Variants in NRG2 observed in about 807,000 individuals in gnomAD.
NRG2 encodes the protein pro-neuregulin-2, membrane-bound isoform.
NRG2 carries 27 observed loss-of-function variants against 73.9 expected under a neutral mutation model. The ratio of observed to expected loss-of-function variants is 0.37; its 90% CI spans 0.27 to 0.50. NRG2 has a LOEUF of 0.50. Ranked by LOEUF, NRG2 falls within the 20% of genes least tolerant of loss-of-function variation. The probability of loss-of-function intolerance (pLI) is 0.96; values close to 1 mark genes in which losing one functional copy is unlikely to be tolerated. For synonymous variants in NRG2, 532 were observed against 541.0 expected, an observed-to-expected ratio of 0.98 and a Z score of 0.23; for missense variants, 1,126 against 1,210.1, an observed-to-expected ratio of 0.93 and a Z score of 1.03.
chr5:139,990,063 C>T (rs982732817), intron 1 of NRG2, among the ~76,000 whole-genome samples: 3 of 151,852 alleles, frequency 2.0e-5, no homozygotes, highest in Non-Finnish European at 2.9e-5. Context: ...GCTGGGATTA[C>T]AGGCGTGAGC....
At position 140,009,542 on chromosome 5, in the gene NRG2, G is replaced by A. The variant is rs187258928; in HGVS notation, c.700+32828C>T. Among the ~76,000 whole-genome samples, 8 of 152,268 alleles carry A rather than the reference G, an allele frequency of 5.3e-5. No homozygotes were observed. The East Asian group carries it at 7.7e-4, about 15-fold the overall frequency. On this transcript the variant is annotated intron_variant, in intron 1 of 9. Coordinates refer to ENST00000361474, the MANE Select transcript of NRG2 (RefSeq NM_004883.3). Reference sequence around the variant, plus strand: ...AAAGAATGAAATTGCTCGATCTTACGGTAAGAGTAGTTTAATTTTGTAAGA... The same window carrying A: ...AAAGAATGAAATTGCTCGATCTTACAGTAAGAGTAGTTTAATTTTGTAAGA...
intron 1 of NRG2, among the ~76,000 whole-genome samples, chr5:139,986,364 CAAT>C (rs1757172580): frequency 6.6e-6 from 1 of 152,090 alleles, no homozygotes; most frequent in African/African-American, 2.4e-5. Context: ...GTAGGTCAGT[CAAT>C]GATATAAATT....
chr5:139,950,007 A>G, intron 1 of NRG2, among the ~76,000 whole-genome samples: 1 of 152,202 alleles, frequency 6.6e-6, no homozygotes, highest in Non-Finnish European at 1.5e-5. Context: ...TGTGTGACAA[A>G]GACACAAGGG....
Position 139,848,692 on chromosome 5 carries a change from A to C in NRG2, c.1778T>G (p.Val593Gly). Reference sequence around the variant, plus strand: ...GCGCGCGGGCGTGGTCAGGGCCGACACGTACCTGCGGGGAGAGGCAGAGGC... The same window carrying C: ...GCGCGCGGGCGTGGTCAGGGCCGACCCGTACCTGCGGGGAGAGGCAGAGGC... ...LRDSPHSERY[V>G]SALTTPARLS... Residue 593 changes from valine to glycine, a missense_variant, in exon 10 of 10, where the codon GTG becomes GGG. By Grantham distance (109) the Val-to-Gly change is moderately radical (BLOSUM62 -3). Around this residue, in one of 3 missense-constraint regions of NRG2, gnomAD observed 539 missense variants for 703.2 expected, o/e 0.77. Transcript: ENST00000361474. The C allele has an allele frequency of 6.9e-7, 1 of 1,455,308 alleles. No homozygotes were observed. The highest frequency in any genetic ancestry group is 9.1e-7 in the Non-Finnish European group (1 of 1,100,754). The allele number at this position is 1,455,308 out of a possible 1,614,324, so 90.1% of individuals were successfully genotyped here. A position where few individuals can be genotyped will look rare whatever the true frequency, so the allele number is the denominator to read the frequency against.
intron 1 of NRG2, among the ~76,000 whole-genome samples, chr5:139,909,673 G>C (rs1373781605): frequency 1.3e-5 from 2 of 152,244 alleles, no homozygotes; most frequent in Non-Finnish European, 2.9e-5. Flanking sequence ...CAGTGAGGCT[G>C]CCAGAGGAGG....
Position 139,865,553 on chromosome 5 carries a change from C to T in NRG2, c.1185G>A (p.Lys395=), listed in dbSNP as rs1292126318. 6.2e-7 allele frequency: 1 copy of T among 1,612,174 alleles called. No individual in the cohort carries two copies. Among genetic ancestry groups the T allele is most frequent in the South Asian group, 1.1e-5 (1 of 90,718 alleles). The change falls in exon 5 of 10, where the codon AAG becomes AAA. Residue 395 remains lysine, a synonymous_variant. Transcript: ENST00000361474. The surrounding 1 kb of genome is among the most constrained non-coding windows in gnomAD (Gnocchi z 5.2). ...LPLRLYMPDP[K]QKAEELYQKR... is the part of the protein sequence containing the mutation. Reference sequence around the variant, plus strand: ...TGTTTGTATCTTCAAACATACTTTGCTTAGGATCTGGCATGTACAATCGCA... The same window carrying T: ...TGTTTGTATCTTCAAACATACTTTGTTTAGGATCTGGCATGTACAATCGCA...
intron 5 of NRG2, chr5:139,861,723 A>G: frequency 1.9e-6 from 1 of 516,792 alleles, no homozygotes; most frequent in South Asian, 1.4e-5. Flanking sequence ...AGGGCTGGTC[A>G]GGCGTGCTGA....
chr5:139,941,686 G>A (rs997284391), intron 1 of NRG2, among the ~76,000 whole-genome samples: 41 of 152,280 alleles, frequency 2.7e-4, no homozygotes, highest in Non-Finnish European at 3.4e-4. Flanking sequence ...TGAAGGTTAG[G>A]TGGAAGTCCC....
chr5:139,924,683 T>C (rs1293119241), intron 1 of NRG2, among the ~76,000 whole-genome samples: 1 of 152,200 alleles, frequency 6.6e-6, no homozygotes, highest in Non-Finnish European at 1.5e-5. Context: ...CCTCTTTACT[T>C]GTCTTTTTTG....
At chr5:139,990,561 C>T (rs1258623045) in intron 1 of NRG2, among the ~76,000 whole-genome samples, 1 of 152,178 alleles carries the variant, frequency 6.6e-6, no homozygotes, top group Non-Finnish European at 1.5e-5. Context: ...CTGACTTGGC[C>T]TCCCAAAGTG....
chr5:139,897,091 T>C (rs1764593390), intron 1 of NRG2, among the ~76,000 whole-genome samples: 1 of 152,202 alleles, frequency 6.6e-6, no homozygotes, highest in African/African-American at 2.4e-5. Flanking sequence ...CCTGCCTCCA[T>C]GCCCTCTGCT....
Position 140,043,031 on chromosome 5 carries a change from T to G in NRG2, c.39A>C (p.Pro13=). The G allele has an allele frequency of 6.5e-7, 1 of 1,536,732 alleles. No individual in the cohort carries two copies. Among genetic ancestry groups the G allele is most frequent in the South Asian group, 1.2e-5 (1 of 84,042 alleles). ...QVCCSALPPP[P]LEKGRCSSYS... is the part of the protein sequence containing the mutation. ...AGCTGCTGCACCGACCCTTCTCCAGTGGCGGCGGCGGCAGCGCTGAGCAGC... is the reference window on the plus strand; with the variant it reads ...AGCTGCTGCACCGACCCTTCTCCAGGGGCGGCGGCGGCAGCGCTGAGCAGC... Residue 13 remains proline (P), a synonymous_variant, in exon 1 of 10, where the codon CCA becomes CCC. Coordinates refer to ENST00000361474, the MANE Select transcript of NRG2 (RefSeq NM_004883.3). The surrounding 1 kb of genome is among the most constrained non-coding windows in gnomAD (Gnocchi z 6.7).
chr5:140,003,498 T>C (rs1758654658), intron 1 of NRG2, among the ~76,000 whole-genome samples: 1 of 151,978 alleles, frequency 6.6e-6, no homozygotes. Context: ...AGGTGGAAAA[T>C]GGAGCCAAGG....
chr5:139,884,950 T>C (rs1016279889), intron 2 of NRG2, among the ~76,000 whole-genome samples: 5 of 151,108 alleles, frequency 3.3e-5, no homozygotes, highest in Admixed American at 3.3e-4. Flanking sequence ...CGACAAAGGG[T>C]CAGGGGTTGA....
intron 1 of NRG2, among the ~76,000 whole-genome samples, chr5:139,987,929 C>T (rs1757297997): frequency 6.6e-6 from 1 of 152,148 alleles, no homozygotes; most frequent in Admixed American, 6.5e-5. Context: ...CGCACACCGC[C>T]ATGCCTGGCT....
rs111370516 is a variant in NRG2, at chr5:140,033,772, C to T, written c.700+8598G>A. ...TTAATATTTTCATTTACCTAGTCTT[C>T]CTGCTCACATTGGTTAATAATTAAC... On this transcript the variant is annotated intron_variant, in intron 1 of 9. Transcript: ENST00000361474. Among the ~76,000 whole-genome samples the T allele has an allele frequency of 2.3e-3, 343 of 152,318 alleles. 1 individual carries two copies. The highest frequency in any genetic ancestry group is 3.7e-3 in the Non-Finnish European group (252 of 68,026).
At chr5:139,898,097 C>T (rs1222308539) in intron 1 of NRG2, among the ~76,000 whole-genome samples, 1 of 152,232 alleles carries the variant, frequency 6.6e-6, no homozygotes, top group East Asian at 1.9e-4. Context: ...GTGGCCTTCG[C>T]CCTGGTGGAG....
intron 1 of NRG2, among the ~76,000 whole-genome samples, chr5:139,952,756 GGTGCGTGTGTGT>G (rs896201068): frequency 1.3e-5 from 2 of 152,112 alleles, no homozygotes; most frequent in Admixed American, 6.6e-5. Context: ...GGAGTGGGGC[GGTGCGTGTGTGT>G]GTGCGTGTGT....
At chr5:139,848,775 G>GGT in intron 9 of NRG2, 78 bp from the exon 10 acceptor site, 10 of 601,716 alleles carry the variant, frequency 1.7e-5, no homozygotes, top group East Asian at 9.8e-5. Context: ...GTGGGGTAGG[G>GGT]TGGGAGGGGC....
Sources: allele counts gnomAD v4.1 joint callset (sites outside exome capture counted in the v4.1 genomes callset), GRCh38; gene constraint gnomAD v4.1.1; regional missense constraint gnomAD v4.1.1; non-coding constraint Gnocchi (gnomAD v3.1); transcripts MANE v1.5; gene names NCBI Gene and HGNC (gene_info 2026-07-23, HGNC 2026-07-21).